The following ATP8B4 variants were observed in gnomAD, a reference collection of about 807,000 sequenced individuals.
ATP8B4 encodes ATPase phospholipid transporting 8B4 (putative).
In ATP8B4, 133 loss-of-function variants were observed where a neutral mutation model predicts 145.6. That is an observed-to-expected ratio of 0.91 (90% CI 0.79 to 1.05). The LOEUF (loss-of-function observed/expected upper bound fraction) is 1.05. Ranked by LOEUF, ATP8B4 falls within the 50% of genes least tolerant of loss-of-function variation. ATP8B4 has a pLI of 0.00. For missense variants in ATP8B4, 1,458 were observed against 1,425.2 expected (o/e 1.02, Z -0.37); for synonymous variants, 507 against 492.9 (o/e 1.03, Z -0.38).
chr15:49,989,543 C>A (rs1211150710), intron 9 of ATP8B4, among the ~76,000 whole-genome samples: 4 of 152,118 alleles, frequency 2.6e-5, no homozygotes, highest in Non-Finnish European at 5.9e-5. Context: ...GACATGGAGG[C>A]AAATACAGCC....
intron 3 of ATP8B4, among the ~76,000 whole-genome samples, chr15:50,064,943 G>C (rs1307740284): frequency 1.3e-5 from 2 of 152,072 alleles, no homozygotes; most frequent in African/African-American, 4.8e-5. Flanking sequence ...CGAGGGGATG[G>C]TGCTAACCCA....
At chr15:49,962,090 G>A in intron 13 of ATP8B4, 70 bp from the exon 14 acceptor site, 1 of 1,173,346 alleles carries the variant, frequency 8.5e-7, no homozygotes. Context: ...TAGTTTTAAG[G>A]AATACACTTA....
intron 1 of ATP8B4, among the ~76,000 whole-genome samples, chr15:50,108,708 C>G (rs1456425558): frequency 1.3e-5 from 2 of 152,128 alleles, no homozygotes; most frequent in Non-Finnish European, 2.9e-5. Flanking sequence ...CTGACCTCCC[C>G]AAATCAGAGA....
chr15:49,944,592 G>A (rs186047233), intron 14 of ATP8B4, among the ~76,000 whole-genome samples: 22 of 152,230 alleles, frequency 1.4e-4, no homozygotes, highest in African/African-American at 5.1e-4. Flanking sequence ...ACTGAAGGGA[G>A]ACTTAGACAG....
intron 23 of ATP8B4, among the ~76,000 whole-genome samples, chr15:49,890,814 G>A (rs1336307518): frequency 6.6e-6 from 1 of 152,110 alleles, no homozygotes; most frequent in East Asian, 1.9e-4. Flanking sequence ...TTCCAAATCC[G>A]AGCCACCTTC....
At chr15:49,893,493 C>T (rs2037052071) in intron 23 of ATP8B4, among the ~76,000 whole-genome samples, 1 of 152,206 alleles carries the variant, frequency 6.6e-6, no homozygotes, top group African/African-American at 2.4e-5. Flanking sequence ...AATACTGCCA[C>T]ATGCTACAAC....
At chr15:49,926,424 T>G (rs1182748117) in intron 16 of ATP8B4, among the ~76,000 whole-genome samples, 1 of 152,146 alleles carries the variant, frequency 6.6e-6, no homozygotes, top group Non-Finnish European at 1.5e-5. Flanking sequence ...GAAAATCACT[T>G]TAACCTAACT....
chr15:49,999,894 A>G (rs1275006003), intron 8 of ATP8B4, among the ~76,000 whole-genome samples: 1 of 152,024 alleles, frequency 6.6e-6, no homozygotes. Flanking sequence ...TCTGTTCTCT[A>G]TTTCCATGAT....
chr15:50,050,732 TAATATGTTTTATATAAAACATATTA>T (rs552801382), intron 3 of ATP8B4, among the ~76,000 whole-genome samples: 11 of 151,590 alleles, frequency 7.3e-5, no homozygotes, highest in South Asian at 2.1e-4. Flanking sequence ...TTTTCAGGTT[TAATATGTTTTATATAAAACATATTA>T]AATATGTTTT....
chr15:50,136,463 C>G (rs1309848301), intron 1 of ATP8B4, among the ~76,000 whole-genome samples: 1 of 152,168 alleles, frequency 6.6e-6, no homozygotes, highest in African/African-American at 2.4e-5. Context: ...AGGGATAAAG[C>G]CAGGCTGGGG....
In ATP8B4 at chr15:50,107,041, A is replaced by G. The variant is rs1023775343; in HGVS notation, c.-42-33T>C. The G allele has an allele frequency of 3.2e-5, 43 of 1,360,298 alleles. No homozygotes were observed. The African/African-American group carries it at 4.8e-4, about 15-fold the overall frequency. The allele number at this position is 1,360,298 out of a possible 1,614,324, so 84.3% of individuals were successfully genotyped here. On this transcript the variant is annotated intron_variant, in intron 1 of 27. Coordinates refer to ENST00000284509, the MANE Select transcript of ATP8B4 (RefSeq NM_024837.4). ...AAAGAAGTATGCATATTAGTATCTG[A>G]AAAATGCACAATAACTATAAATTTA...
chr15:50,064,284 A>G (rs1275935719), intron 3 of ATP8B4, among the ~76,000 whole-genome samples: 1 of 152,126 alleles, frequency 6.6e-6, no homozygotes, highest in East Asian at 1.9e-4. Context: ...CCACATCTGT[A>G]ATGATGTGAA....
At chr15:49,861,477 C>T (rs8035137) in intron 27 of ATP8B4, among the ~76,000 whole-genome samples, 30,436 of 137,386 alleles carry the variant, frequency 0.22, 3,427 homozygotes, top group Non-Finnish European at 0.27. Flanking sequence ...TATCTATCTA[C>T]CTACCTACCT....
intron 1 of ATP8B4, among the ~76,000 whole-genome samples, chr15:50,172,215 G>A (rs933456523): frequency 6.6e-5 from 10 of 152,268 alleles, no homozygotes; most frequent in South Asian, 2.1e-4. Flanking sequence ...CTGTACTGCC[G>A]CCATCTCCGC....
At chr15:49,888,191 G>C (rs985979650) in intron 23 of ATP8B4, among the ~76,000 whole-genome samples, 5 of 152,188 alleles carry the variant, frequency 3.3e-5, no homozygotes, top group Admixed American at 6.5e-5. Flanking sequence ...CTGAGCACTC[G>C]TCCAGTCCTG....
At chr15:49,870,654 T>A (rs1196373303) in intron 25 of ATP8B4, among the ~76,000 whole-genome samples, 1 of 152,182 alleles carries the variant, frequency 6.6e-6, no homozygotes, top group Non-Finnish European at 1.5e-5. Context: ...TTCCTTAAAG[T>A]TATTATTCTA....
At chr15:50,063,152 T>A (rs2053148210) in intron 3 of ATP8B4, among the ~76,000 whole-genome samples, 1 of 151,626 alleles carries the variant, frequency 6.6e-6, no homozygotes, top group East Asian at 1.9e-4. Flanking sequence ...TAAACAAAAA[T>A]TGGGCTGCCA....
intron 1 of ATP8B4, among the ~76,000 whole-genome samples, chr15:50,140,440 C>G (rs1032862654): frequency 2.0e-5 from 3 of 152,134 alleles, no homozygotes; most frequent in Admixed American, 6.6e-5. Context: ...CTACCCAGCA[C>G]TGGGTTGGAT....
intron 26 of ATP8B4, among the ~76,000 whole-genome samples, chr15:49,863,787 A>G (rs1598766280): frequency 6.6e-6 from 1 of 150,400 alleles, no homozygotes; most frequent in South Asian, 2.1e-4. Context: ...TTGAAACCAC[A>G]CTCCTGTTTG....
Sources: gnomAD v4.1 joint callset for allele counts (sites outside exome capture counted in the v4.1 genomes callset) on GRCh38, gnomAD v4.1.1 for gene constraint, MANE v1.5 for transcripts, NCBI Gene and HGNC (gene_info 2026-07-23, HGNC 2026-07-21) for gene names.